Variants in POF1B observed in about 807,000 individuals in gnomAD.
The protein encoded by POF1B is POF1B actin binding protein.
Under a neutral mutation model 55.3 loss-of-function variants are expected in POF1B, and 53 were observed. The ratio of observed to expected loss-of-function variants is 0.96; its 90% CI spans 0.77 to 1.20. POF1B has a LOEUF of 1.20. Ranked by LOEUF, POF1B falls within the 50% of genes most tolerant of loss-of-function variation. POF1B has a pLI of 0.00. For missense variants in POF1B, 478 were observed against 420.5 expected (o/e 1.14, Z -1.20); for synonymous variants, 188 against 148.3 (o/e 1.27, Z -1.95).
chrX:85,308,094 G>A, intron 10 of POF1B, 30 bp downstream of exon 10: 1 of 1,021,653 alleles, frequency 9.8e-7, no homozygotes, highest in Non-Finnish European at 1.4e-6. Flanking sequence ...TAACTAGAAA[G>A]GCTTTGGAAA....
intron 2 of POF1B, among the ~76,000 whole-genome samples, chrX:85,372,290 G>A (rs975501385): frequency 9.5e-6 from 1 of 105,197 alleles, no homozygotes; most frequent in African/African-American, 3.5e-5. Context: ...CTTGCCGTGA[G>A]CCGAGATCGT....
rs1025875254 is a variant in POF1B, at chrX:85,372,228, C to T, written c.283-4462G>A. The stretch of plus-strand genomic sequence containing the variant: ...GTGTGGTGGCGGGCGCCTATATTCC[C>T]AGCTACTCAGGAGGCTGAGGCAGGA... On this transcript the variant is annotated intron_variant, in intron 2 of 16. Coordinates refer to ENST00000262753, the MANE Select transcript of POF1B (RefSeq NM_024921.4). Among the ~76,000 whole-genome samples the T allele has an allele frequency of 3.4e-4, 37 of 108,769 alleles. 1 individual carries two copies. Among genetic ancestry groups the T allele is most frequent in the Non-Finnish European group, 5.7e-5 (3 of 52,448 alleles). 94.5% of individuals were successfully genotyped at this position (108,769 alleles called of 115,157 possible). A position where few individuals can be genotyped will look rare whatever the true frequency, so the allele number is the denominator to read the frequency against.
At chrX:85,321,463 A>G (rs1569287342) in intron 7 of POF1B, among the ~76,000 whole-genome samples, 1 of 109,584 alleles carries the variant, frequency 9.1e-6, no homozygotes, top group Non-Finnish European at 1.9e-5. Flanking sequence ...AGAGCTATCT[A>G]TGACAAACCC....
intron 6 of POF1B, among the ~76,000 whole-genome samples, chrX:85,332,536 A>C (rs1932998201): frequency 9.0e-6 from 1 of 111,364 alleles, no homozygotes; most frequent in Non-Finnish European, 1.9e-5. Flanking sequence ...AAGTGCCCTA[A>C]AAACACATTT....
At chrX:85,335,595 T>A (rs1293043741) in intron 6 of POF1B, among the ~76,000 whole-genome samples, 3 of 111,361 alleles carry the variant, frequency 2.7e-5, no homozygotes, top group Non-Finnish European at 5.7e-5. Context: ...AAAAGAATTT[T>A]AGGTTCTGAA....
rs374063197 is a variant in POF1B, at chrX:85,342,550, T to G, written c.723+3310A>C. ...GTACATTAAAGTATGATTCTTCCCC[T>G]TTTAGAGATGTAGAAACTGAGGTTC... is the stretch of plus-strand genomic sequence containing the variant. On this transcript the variant is annotated intron_variant, in intron 6 of 16. Transcript: ENST00000262753. 3.0e-4 allele frequency among the ~76,000 whole-genome samples: 33 copies of G among 111,540 alleles called. No homozygotes were observed. In the East Asian group the frequency reaches 4.0e-3, roughly 13 times the overall value.
chrX:85,371,286 T>C (rs1271306159), intron 2 of POF1B, among the ~76,000 whole-genome samples: 1 of 112,077 alleles, frequency 8.9e-6, no homozygotes, highest in Non-Finnish European at 1.9e-5. Context: ...TATTTTTCCA[T>C]ACAAACAAAA....
intron 3 of POF1B, among the ~76,000 whole-genome samples, chrX:85,365,101 C>G (rs1933694978): frequency 1.8e-5 from 2 of 111,788 alleles, no homozygotes; most frequent in Non-Finnish European, 3.8e-5. Context: ...TCAGCTCTAT[C>G]AGATCAGTTA....
At chrX:85,285,450 A>G (rs1439763752) in intron 15 of POF1B, among the ~76,000 whole-genome samples, 33 of 111,077 alleles carry the variant, frequency 3.0e-4, no homozygotes, top group Non-Finnish European at 5.5e-4. Context: ...GCACATATAC[A>G]CCATGGAATA....
intron 2 of POF1B, among the ~76,000 whole-genome samples, chrX:85,371,698 T>C (rs1933824557): frequency 8.9e-6 from 1 of 111,876 alleles, no homozygotes; most frequent in Non-Finnish European, 1.9e-5. Context: ...CTGGGACTTT[T>C]AAAATTATTC....
chrX:85,372,410 A>T (rs934000850), intron 2 of POF1B, among the ~76,000 whole-genome samples: 2 of 108,819 alleles, frequency 1.8e-5, no homozygotes, highest in East Asian at 5.8e-4. Flanking sequence ...GGATAATTTC[A>T]TTACATCACT....
At chrX:85,340,212 A>G (rs996130266) in intron 6 of POF1B, among the ~76,000 whole-genome samples, 5 of 111,354 alleles carry the variant, frequency 4.5e-5, no homozygotes, top group African/African-American at 1.3e-4. Flanking sequence ...AATCTGTACT[A>G]GACTAAATTG....
At chrX:85,324,928 C>T (rs778319822) in intron 7 of POF1B, among the ~76,000 whole-genome samples, 25 of 111,698 alleles carry the variant, frequency 2.2e-4, no homozygotes, top group African/African-American at 7.2e-4. Flanking sequence ...TGAAAAGGAT[C>T]TTATTTCTCC....
chrX:85,374,048 T>G (rs1226006716), intron 2 of POF1B, among the ~76,000 whole-genome samples: 2 of 111,240 alleles, frequency 1.8e-5, no homozygotes, highest in Non-Finnish European at 3.8e-5. Context: ...TTAGTGTCAT[T>G]GAAGGTTTTT....
chrX:85,316,443 T>C (rs1264180982), intron 7 of POF1B, among the ~76,000 whole-genome samples: 1 of 111,125 alleles, frequency 9.0e-6, no homozygotes, highest in African/African-American at 3.3e-5. Context: ...TATACCAGAC[T>C]GGCACTTACT....
intron 12 of POF1B, 82 bp downstream of exon 12, chrX:85,306,099 G>T: frequency 1.0e-6 from 1 of 985,569 alleles, no homozygotes; most frequent in Non-Finnish European, 1.4e-6. Context: ...GTGAGGGAAA[G>T]CAGTCCATAT....
chrX:85,356,282 G>C (rs1025576816), intron 4 of POF1B, among the ~76,000 whole-genome samples: 2 of 105,376 alleles, frequency 1.9e-5, no homozygotes, highest in South Asian at 4.6e-4. Flanking sequence ...ACACAAGAAG[G>C]GGGGCATCAC....
chrX:85,285,195 C>CGTTG (rs1932020099), intron 15 of POF1B, among the ~76,000 whole-genome samples: 1 of 111,278 alleles, frequency 9.0e-6, no homozygotes, highest in African/African-American at 3.3e-5. Context: ...ACTTTTACAC[C>CGTTG]GTTGGCAGGA....
intron 2 of POF1B, 116 bp from the exon 3 acceptor site, chrX:85,367,882 T>G (rs1423422836): frequency 6.5e-6 from 3 of 458,384 alleles, no homozygotes; most frequent in Non-Finnish European, 1.1e-5. Flanking sequence ...CATTATTTAG[T>G]GCTTTCTTAG....
Sources: allele counts gnomAD v4.1 joint callset (sites outside exome capture counted in the v4.1 genomes callset), GRCh38; gene constraint gnomAD v4.1.1; transcripts MANE v1.5; gene names NCBI Gene and HGNC (gene_info 2026-07-23, HGNC 2026-07-21).